The following FBXO21 variants were observed in gnomAD, a reference collection of about 807,000 sequenced individuals.
The protein encoded by FBXO21 is F-box only protein 21.
A neutral mutation model predicts 76.6 loss-of-function variants in FBXO21; 32 were observed. That is an observed-to-expected ratio of 0.42 (90% confidence interval 0.32 to 0.56). The LOEUF is 0.56. Among genes scored for constraint, FBXO21 ranks in the 20% least tolerant of loss-of-function variants. FBXO21 has a pLI of 0.16. For synonymous variants in FBXO21, 328 were observed against 311.5 expected (o/e 1.05, Z -0.56); for missense variants, 586 against 797.3 (o/e 0.73, Z 3.19).
At chr12:117,158,221 CCTCT>C in intron 9 of FBXO21, 158 bp from the exon 10 acceptor site, 4 of 745,830 alleles carry the variant, frequency 5.4e-6, no homozygotes, top group Non-Finnish European at 8.8e-6. Flanking sequence ...TCTGGACCAT[CCTCT>C]GATGGACCGC....
chr12:117,158,895 C>T (rs1442587343), intron 9 of FBXO21, among the ~76,000 whole-genome samples: 1 of 152,216 alleles, frequency 6.6e-6, no homozygotes, highest in Non-Finnish European at 1.5e-5. Context: ...TTATTTCGCA[C>T]CCATTACGTT....
At chr12:117,185,661 A>G (rs1956274384) in intron 3 of FBXO21, among the ~76,000 whole-genome samples, 1 of 152,256 alleles carries the variant, frequency 6.6e-6, no homozygotes, top group South Asian at 2.1e-4. Context: ...TGACTGGAAG[A>G]TAAAAGAAAG....
At chr12:117,155,411 C>A (rs4767506) in intron 11 of FBXO21, 73,491 of 198,954 alleles carry the variant, frequency 0.37, 15,653 homozygotes, top group Admixed American at 0.55. Flanking sequence ...CAGCCACAGC[C>A]TTGGGAGGCC....
chr12:117,145,986 G>T lies in FBXO21; in HGVS notation c.*101C>A. Reference sequence around the variant, plus strand: ...CACTACTGGTGGAGTGGCTTTCCTGGTGCAGCAGGTCCCGAGGGCTCCGTG... The same window carrying T: ...CACTACTGGTGGAGTGGCTTTCCTGTTGCAGCAGGTCCCGAGGGCTCCGTG... On this transcript the variant is annotated 3_prime_UTR_variant, in exon 12 of 12. Transcript: ENST00000622495. 1 of 932,032 alleles carries T rather than the reference G, an allele frequency of 1.1e-6. No homozygotes were observed. The highest frequency in any genetic ancestry group is 1.6e-6 in the Non-Finnish European group (1 of 632,366). 57.7% of individuals were successfully genotyped at this position (932,032 alleles called of 1,614,324 possible).
Position 117,174,723 on chromosome 12 carries a change from T to A in FBXO21, c.667A>T (p.Ser223Cys). ...SLKDIQAQIDSIVELVCKTLR... is the reference protein window; with the variant it reads ...SLKDIQAQIDCIVELVCKTLR... ...GTTTTGCAAACAAGCTCCACGATGCTGTCAATTTGGGCCTGGATGTCTTTG... is the reference window on the plus strand; with the variant it reads ...GTTTTGCAAACAAGCTCCACGATGCAGTCAATTTGGGCCTGGATGTCTTTG... Residue 223 changes from serine (S) to cysteine (C), a missense_variant, in exon 5 of 12, where the codon AGC (serine) becomes TGC (cysteine). Transcript: ENST00000622495. 2 of 1,614,228 alleles carry A rather than the reference T, an allele frequency of 1.2e-6. No individual in the cohort carries two copies. The highest frequency in any genetic ancestry group is 3.3e-4 in the Middle Eastern group (2 of 6,062).
At chr12:117,160,316 C>A (rs1413312003) in intron 9 of FBXO21, among the ~76,000 whole-genome samples, 1 of 152,136 alleles carries the variant, frequency 6.6e-6, no homozygotes, top group East Asian at 1.9e-4. Flanking sequence ...TCCCTGAATT[C>A]CAGGTTCCCT....
At chr12:117,184,449 T>C (rs1200205297) in intron 3 of FBXO21, among the ~76,000 whole-genome samples, 1 of 152,188 alleles carries the variant, frequency 6.6e-6, no homozygotes, top group Non-Finnish European at 1.5e-5. Flanking sequence ...AAAGTGGTTG[T>C]CCATCTATAG....
chr12:117,175,263 AAT>A (rs1280150283), intron 4 of FBXO21, among the ~76,000 whole-genome samples: 1 of 152,216 alleles, frequency 6.6e-6, no homozygotes, highest in East Asian at 1.9e-4. Context: ...CATTTCAACA[AAT>A]TACACATCTC....
intron 2 of FBXO21, 105 bp downstream of exon 2, chr12:117,189,122 G>A: frequency 7.9e-7 from 1 of 1,263,186 alleles, no homozygotes; most frequent in South Asian, 1.3e-5. Flanking sequence ...GATTGTGAGA[G>A]CATTGAAAAG....
intron 3 of FBXO21, 42 bp from the exon 4 acceptor site, chr12:117,177,683 T>C: frequency 6.3e-7 from 1 of 1,587,966 alleles, no homozygotes; most frequent in Non-Finnish European, 8.6e-7. Flanking sequence ...TTGAAAACTT[T>C]CAGTTATCTA....
At chr12:117,171,704 A>G (rs1349872863) in intron 7 of FBXO21, among the ~76,000 whole-genome samples, 1 of 152,196 alleles carries the variant, frequency 6.6e-6, no homozygotes, top group Non-Finnish European at 1.5e-5. Flanking sequence ...CTATCACACA[A>G]TTCATCATTA....
intron 7 of FBXO21, among the ~76,000 whole-genome samples, chr12:117,170,508 A>G (rs960447586): frequency 6.6e-6 from 1 of 152,188 alleles, no homozygotes; most frequent in Non-Finnish European, 1.5e-5. Context: ...GCTTAAGAAA[A>G]TATGGTCTTG....
At chr12:117,187,420 CAAA>C (rs921514232) in intron 2 of FBXO21, among the ~76,000 whole-genome samples, 16,285 of 58,190 alleles carry the variant, frequency 0.28, 759 homozygotes, top group East Asian at 0.44. Context: ...AACTCTGTCT[CAAA>C]AAAAAAAAAA....
intron 3 of FBXO21, among the ~76,000 whole-genome samples, chr12:117,177,916 G>C (rs1956190710): frequency 6.6e-6 from 1 of 152,194 alleles, no homozygotes. Context: ...AAAAGGAATT[G>C]AGCTGGGGGA....
chr12:117,188,146 T>C (rs1297433154), intron 2 of FBXO21, among the ~76,000 whole-genome samples: 1 of 152,234 alleles, frequency 6.6e-6, no homozygotes, highest in African/African-American at 2.4e-5. Context: ...TTGGCTCTAT[T>C]TCTAGAACCC....
At chr12:117,150,699 A>C (rs1183782215) in intron 11 of FBXO21, among the ~76,000 whole-genome samples, 1 of 152,206 alleles carries the variant, frequency 6.6e-6, no homozygotes, top group Non-Finnish European at 1.5e-5. Flanking sequence ...GGAGGGATCG[A>C]GGTGGAACTG....
At chr12:117,160,222 A>C (rs186277727) in intron 9 of FBXO21, among the ~76,000 whole-genome samples, 28 of 152,304 alleles carry the variant, frequency 1.8e-4, no homozygotes, top group Middle Eastern at 3.4e-3. Context: ...AGCTATAGAT[A>C]ATAAGTAAAC....
Position 117,167,002 on chromosome 12 carries a change from G to T in FBXO21, c.1089C>A (p.Cys363Ter). 1 of 1,613,822 alleles carries T rather than the reference G, an allele frequency of 6.2e-7. No individual in the cohort carries two copies. The highest frequency in any genetic ancestry group is 8.5e-7 in the Non-Finnish European group (1 of 1,179,800). The part of the protein sequence containing the change: ...GKGKQLTVKE[C>*]EYLIGQHVTA... ...TCACGTGCTGGCCGATCAAGTACTC[G>T]CATTCTTTCACTGTCAGCTGCTTGC... The change falls in exon 8 of 12, where the codon TGC (cysteine) becomes TGA (stop). Residue 363 changes from cysteine (C) to a stop codon, truncating the protein, a stop_gained. Coordinates refer to ENST00000622495, the MANE Select transcript of FBXO21 (RefSeq NM_015002.3). LOFTEE classifies it high-confidence loss of function.
chr12:117,155,417 A>T (rs1449662261), intron 11 of FBXO21: 7 of 204,808 alleles, frequency 3.4e-5, no homozygotes, highest in Non-Finnish European at 6.1e-5. Flanking sequence ...CAGCCTTGGG[A>T]GGCCAGGGAG....
Sources: gnomAD v4.1 joint callset for allele counts (sites outside exome capture counted in the v4.1 genomes callset) on GRCh38, gnomAD v4.1.1 for gene constraint, MANE v1.5 for transcripts, NCBI Gene and HGNC (gene_info 2026-07-23, HGNC 2026-07-21) for gene names.